ZDHHC21: variants seen among roughly 807,000 people sequenced by gnomAD.
ZDHHC21 encodes zDHHC palmitoyltransferase 21.
A neutral mutation model predicts 34.6 loss-of-function variants in ZDHHC21; 15 were observed. The observed-to-expected ratio is 0.43, with a 90% CI of 0.29 to 0.67. The LOEUF (loss-of-function observed/expected upper bound fraction) is 0.67. Ranked by LOEUF, ZDHHC21 falls within the 30% of genes least tolerant of loss-of-function variation. The pLI is 0.14. For missense variants in ZDHHC21, 344 were observed against 327.7 expected, an observed-to-expected ratio of 1.05 and a Z score of -0.38; for synonymous variants, 142 against 101.8, an observed-to-expected ratio of 1.40 and a Z score of -2.38.
At chr9:14,589,446 G>A in the ZDHHC21 span, 1 of 152,070 alleles carries the variant, frequency 6.6e-6, no homozygotes, top group Admixed American at 6.6e-5. Flanking sequence ...TATAAGAGGG[G>A]AATCCAAGCA....
At chr9:14,693,197 C>A in intron 1 of ZDHHC21, 32 bp downstream of exon 1, 1 of 339,032 alleles carries the variant, frequency 2.9e-6, no homozygotes, top group Non-Finnish European at 5.7e-6. Context: ...GGGGTGGGGG[C>A]GGCCGCTTCG....
downstream of ZDHHC21, among the ~76,000 whole-genome samples, chr9:14,609,628 G>A (rs1188611127): frequency 6.6e-6 from 1 of 151,936 alleles, no homozygotes; most frequent in Non-Finnish European, 1.5e-5. Context: ...TATTTTGTAT[G>A]GCTAAAAGCA....
the ZDHHC21 span, among the ~76,000 whole-genome samples, chr9:14,603,772 A>G: frequency 6.6e-6 from 1 of 152,342 alleles, no homozygotes; most frequent in South Asian, 2.1e-4. Context: ...CTCTTTATTA[A>G]GAAACAAATA....
At chr9:14,639,519 T>G (rs1248117968) in intron 8 of ZDHHC21, among the ~76,000 whole-genome samples, 2 of 152,064 alleles carry the variant, frequency 1.3e-5, no homozygotes, top group Non-Finnish European at 2.9e-5. Flanking sequence ...GTTCCTAATA[T>G]ATAGAAATGA....
At chr9:14,632,208 A>G (rs961535506) in intron 8 of ZDHHC21, among the ~76,000 whole-genome samples, 6 of 152,204 alleles carry the variant, frequency 3.9e-5, no homozygotes, top group Non-Finnish European at 7.3e-5. Context: ...ATCAAGCAAC[A>G]GTAATTAAGA....
chr9:14,685,010 C>G (rs1176524244), intron 2 of ZDHHC21, among the ~76,000 whole-genome samples: 1 of 152,268 alleles, frequency 6.6e-6, no homozygotes, highest in Admixed American at 6.5e-5. Flanking sequence ...ATGTAGAAAG[C>G]TGAAACTGGA....
intron 4 of ZDHHC21, among the ~76,000 whole-genome samples, chr9:14,673,180 A>T (rs1835787662): frequency 6.6e-6 from 1 of 152,030 alleles, no homozygotes. Context: ...AGTTCTTATA[A>T]ATCAGATCCC....
intron 2 of ZDHHC21, among the ~76,000 whole-genome samples, chr9:14,683,114 C>A (rs1837670833): frequency 6.6e-6 from 1 of 151,900 alleles, no homozygotes; most frequent in South Asian, 2.1e-4. Flanking sequence ...CCTAACATCA[C>A]AATTAAAAGA....
At chr9:14,676,365 A>G (rs1293909143) in intron 3 of ZDHHC21, among the ~76,000 whole-genome samples, 1 of 151,990 alleles carries the variant, frequency 6.6e-6, no homozygotes, top group African/African-American at 2.4e-5. Flanking sequence ...TCAGGGCACC[A>G]TCCCTTAGAG....
Position 14,660,810 on chromosome 9 carries a change from T to G in ZDHHC21, c.365+1405A>C, listed in dbSNP as rs554035291. On this transcript the variant is annotated intron_variant, in intron 6 of 9. Transcript: ENST00000380916. ...TTCCTAGTTCTTTCTTACTACTGCATTCGTTTGAAAAAAAAAGCATCAATA... is the reference window on the plus strand; with the variant it reads ...TTCCTAGTTCTTTCTTACTACTGCAGTCGTTTGAAAAAAAAAGCATCAATA... 4.6e-5 allele frequency among the ~76,000 whole-genome samples: 7 copies of G among 152,250 alleles called. No individual in the cohort carries two copies. The East Asian group carries it at 1.2e-3, about 25-fold the overall frequency.
chr9:14,674,653 T>C (rs910552520), intron 3 of ZDHHC21, among the ~76,000 whole-genome samples: 1 of 152,058 alleles, frequency 6.6e-6, no homozygotes, highest in Non-Finnish European at 1.5e-5. Flanking sequence ...ATCACAGGTA[T>C]AAACTGGAAT....
At chr9:14,673,801 A>G (rs1159183881) in intron 4 of ZDHHC21, among the ~76,000 whole-genome samples, 1 of 152,086 alleles carries the variant, frequency 6.6e-6, no homozygotes, top group Non-Finnish European at 1.5e-5. Context: ...TTCGTAATCA[A>G]TACTTTTCTT....
In ZDHHC21 at chr9:14,683,641, A is replaced by C. The variant is rs1837770486; in HGVS notation, c.-175-3479T>G. 6 of 152,228 alleles carry C rather than the reference A, an allele frequency of 3.9e-5. No homozygotes were observed. In the South Asian group the frequency reaches 1.2e-3, roughly 32 times the overall value. 9.4% of individuals were successfully genotyped at this position (152,228 alleles called of 1,614,324 possible). On this transcript the variant is annotated intron_variant, in intron 2 of 9. Coordinates refer to ENST00000380916, the MANE Select transcript of ZDHHC21 (RefSeq NM_178566.6). ...AGAGGTACAAGGAGGAGCTGGTACC[A>C]TTCCTTCTGAAGCTATTCCAATCAA...
At chr9:14,592,598 T>C in the ZDHHC21 span, among the ~76,000 whole-genome samples, 1 of 152,104 alleles carries the variant, frequency 6.6e-6, no homozygotes, top group Admixed American at 6.6e-5. Flanking sequence ...TTCTCAATAA[T>C]TGACAGAAAA....
chr9:14,628,341 A>G (rs1245854508), intron 8 of ZDHHC21, among the ~76,000 whole-genome samples: 2 of 152,194 alleles, frequency 1.3e-5, no homozygotes, highest in African/African-American at 4.8e-5. Flanking sequence ...TATCAACAGG[A>G]AGATGAGATA....
intron 7 of ZDHHC21, among the ~76,000 whole-genome samples, chr9:14,651,716 G>A (rs973419356): frequency 2.0e-5 from 3 of 151,860 alleles, no homozygotes; most frequent in African/African-American, 4.8e-5. Flanking sequence ...ATTGAAAACC[G>A]TAATTTTCTA....
Position 14,674,056 on chromosome 9 carries a change from A to C in ZDHHC21, c.154+131T>G. On this transcript the variant is annotated intron_variant, in intron 4 of 9. Coordinates refer to ENST00000380916, the MANE Select transcript of ZDHHC21 (RefSeq NM_178566.6). ...TCCATAAGTTCATAAATTAGTAAATAACTGAATATTGACAGCACTGCTAAA... is the reference window on the plus strand; with the variant it reads ...TCCATAAGTTCATAAATTAGTAAATCACTGAATATTGACAGCACTGCTAAA... 4 of 498,162 alleles carry C rather than the reference A, an allele frequency of 8.0e-6. No homozygotes were observed. In the South Asian group the frequency reaches 2.5e-4, roughly 31 times the overall value. 30.9% of individuals were successfully genotyped at this position (498,162 alleles called of 1,614,324 possible). A position where few individuals can be genotyped will look rare whatever the true frequency, so the allele number is the denominator to read the frequency against.
chr9:14,649,443 G>A (rs1830832472), intron 7 of ZDHHC21, among the ~76,000 whole-genome samples: 1 of 151,932 alleles, frequency 6.6e-6, no homozygotes, highest in Non-Finnish European at 1.5e-5. Flanking sequence ...AAAATCCCAT[G>A]ATACCTGTAT....
chr9:14,617,595 A>G lies in ZDHHC21; in HGVS notation c.*1371T>C, dbSNP rs940508099. On this transcript the variant is annotated 3_prime_UTR_variant, in exon 10 of 10. Coordinates refer to ENST00000380916, the MANE Select transcript of ZDHHC21 (RefSeq NM_178566.6). Reference sequence around the variant, plus strand: ...TCTTCAAGGGAAAGACTGTGAGTACATAAATTTTTTAAAAAGATATATGGG... The same window carrying G: ...TCTTCAAGGGAAAGACTGTGAGTACGTAAATTTTTTAAAAAGATATATGGG... The G allele has an allele frequency of 6.6e-6, 1 of 152,030 alleles. No individual in the cohort carries two copies. The highest frequency in any genetic ancestry group is 2.4e-5 in the African/African-American group (1 of 41,438). The allele number at this position is 152,030 out of a possible 1,614,324, so 9.4% of individuals were successfully genotyped here. A position where few individuals can be genotyped will look rare whatever the true frequency, so the allele number is the denominator to read the frequency against.
Sources: gnomAD v4.1 joint callset for allele counts (sites outside exome capture counted in the v4.1 genomes callset) on GRCh38, gnomAD v4.1.1 for gene constraint, MANE v1.5 for transcripts, NCBI Gene and HGNC (gene_info 2026-07-23, HGNC 2026-07-21) for gene names.